MGAT1: variants seen among roughly 807,000 people sequenced by gnomAD.
The protein encoded by MGAT1 is N-glycosyl-oligosaccharide-glycoprotein N-acetylglucosaminyltransferase I.
MGAT1 carries 14 observed loss-of-function variants against 31.7 expected under a neutral mutation model. That is an observed-to-expected ratio of 0.44 (90% CI 0.29 to 0.69). The LOEUF is 0.69. MGAT1 is among the 30% of genes least tolerant of loss of function. The probability of loss-of-function intolerance (pLI) is 0.12; values close to 1 mark genes in which losing one functional copy is unlikely to be tolerated. For missense variants in MGAT1, 557 were observed against 626.0 expected (o/e 0.89, Z 1.18); for synonymous variants, 338 against 276.0 (o/e 1.22, Z -2.23).
chr5:180,809,323 T>C (rs552107168), intron 1 of MGAT1: 3 of 152,308 alleles, frequency 2.0e-5, no homozygotes, highest in African/African-American at 7.2e-5. Flanking sequence ...ATTATATGTA[T>C]GTACAAACAT....
At position 180,796,033 on chromosome 5, in the gene MGAT1, G is replaced by A. The variant is rs184424670; in HGVS notation, c.-126-2936C>T. Among the ~76,000 whole-genome samples the A allele has an allele frequency of 2.3e-4, 27 of 118,056 alleles. No homozygotes were observed. In the East Asian group the frequency reaches 8.3e-3, roughly 36 times the overall value. 77.4% of individuals were successfully genotyped at this position (118,056 alleles called of 152,430 possible). The stretch of plus-strand genomic sequence containing the variant: ...ATAACTCCTTGACTGTCCTGCCTCT[G>A]GTCTACCCTTTACACCCCAAAGCTT... On this transcript the variant is annotated intron_variant, in intron 1 of 1. Coordinates refer to ENST00000307826, the MANE Select transcript of MGAT1 (RefSeq NM_002406.4).
rs1341734810 is a variant in MGAT1 at position 180,791,472 on chromosome 5, A to G, written c.*162T>C. 1 of 840,338 alleles carries G rather than the reference A, an allele frequency of 1.2e-6. No individual in the cohort carries two copies. Among genetic ancestry groups the G allele is most frequent in the East Asian group, 2.6e-5 (1 of 38,336 alleles). The allele number at this position is 840,338 out of a possible 1,614,324, so 52.1% of individuals were successfully genotyped here. ...CTGACTCCCTTGAGAACGGGAGAAT[A>G]ATCCTCTTGTTATCATTTGTGCACT... On this transcript the variant is annotated 3_prime_UTR_variant, in exon 2 of 2. Coordinates refer to ENST00000307826, the MANE Select transcript of MGAT1 (RefSeq NM_002406.4).
intron 1 of MGAT1, 40 bp from the exon 2 acceptor site, chr5:180,793,137 C>CTCGT (rs750626673): frequency 1.3e-5 from 11 of 821,140 alleles, no homozygotes; most frequent in Non-Finnish European, 2.0e-5. Flanking sequence ...CACACAAAGG[C>CTCGT]TCGTGGCTCC....
At chr5:180,798,170 G>A (rs1399320900) in intron 1 of MGAT1, among the ~76,000 whole-genome samples, 1 of 152,216 alleles carries the variant, frequency 6.6e-6, no homozygotes, top group Non-Finnish European at 1.5e-5. Context: ...AAGATCGGAT[G>A]AGATGAGCCA....
In MGAT1 at chr5:180,792,573, C is replaced by T; in HGVS notation, c.399G>A (p.Glu133=). ...CCTGGCTAACGATGATGGGGAAGAG[C>T]TCAGCCGAGGGCCGATAATGCAGCA... The part of the protein sequence containing the change: ...DKLLHYRPSA[E]LFPIIVSQDC... The change falls in exon 2 of 2, where the codon GAG becomes GAA. Residue 133 remains glutamate (E), a synonymous_variant. Coordinates refer to ENST00000307826, the MANE Select transcript of MGAT1 (RefSeq NM_002406.4). 1 of 1,612,388 alleles carries T rather than the reference C, an allele frequency of 6.2e-7. No homozygotes were observed. Among genetic ancestry groups the T allele is most frequent in the Non-Finnish European group, 8.5e-7 (1 of 1,179,634 alleles).
Position 180,791,384 on chromosome 5 carries a change from C to A in MGAT1, c.*250G>T. ...TTCTGGCCCCAACAAGCCCAGTGCCCCCCACCACACAGTGGTTTCCTGCTT... is the reference window on the plus strand; with the variant it reads ...TTCTGGCCCCAACAAGCCCAGTGCCACCCACCACACAGTGGTTTCCTGCTT... On this transcript the variant is annotated 3_prime_UTR_variant, in exon 2 of 2. Coordinates refer to ENST00000307826, the MANE Select transcript of MGAT1 (RefSeq NM_002406.4). The A allele has an allele frequency of 1.8e-6, 1 of 570,268 alleles. No homozygotes were observed. Among genetic ancestry groups the A allele is most frequent in the Admixed American group, 3.2e-5 (1 of 30,976 alleles). The allele number at this position is 570,268 out of a possible 1,614,324, so 35.3% of individuals were successfully genotyped here. A position where few individuals can be genotyped will look rare whatever the true frequency, so the allele number is the denominator to read the frequency against.
In MGAT1 at chr5:180,796,646, C is replaced by T. The variant is rs556222874; in HGVS notation, c.-126-3549G>A. On this transcript the variant is annotated intron_variant, in intron 1 of 1. Transcript: ENST00000307826. Reference sequence around the variant, plus strand: ...TTTTTGAGACAGAGTCTCACTCTGTCTGTTGCCCAGGCTGGAGTACAGTGG... The same window carrying T: ...TTTTTGAGACAGAGTCTCACTCTGTTTGTTGCCCAGGCTGGAGTACAGTGG... 7.9e-5 allele frequency among the ~76,000 whole-genome samples: 12 copies of T among 152,140 alleles called. No homozygotes were observed. The East Asian group carries it at 1.4e-3, about 17-fold the overall frequency.
At chr5:180,799,596 G>A (rs1170448551) in intron 1 of MGAT1, among the ~76,000 whole-genome samples, 1 of 152,228 alleles carries the variant, frequency 6.6e-6, no homozygotes, top group Non-Finnish European at 1.5e-5. Flanking sequence ...CATGTATGAG[G>A]TTCAAGTGGC....
At chr5:180,812,560 A>G (rs1367228690) in intron 1 of MGAT1, among the ~76,000 whole-genome samples, 1 of 152,090 alleles carries the variant, frequency 6.6e-6, no homozygotes, top group Admixed American at 6.6e-5. Flanking sequence ...ACACACGCAC[A>G]CACACACAGG....
chr5:180,799,104 G>C (rs922959002), intron 1 of MGAT1, among the ~76,000 whole-genome samples: 4 of 152,120 alleles, frequency 2.6e-5, no homozygotes, highest in Non-Finnish European at 5.9e-5. Flanking sequence ...CATCCTTCCT[G>C]ACAAGTACAC....
intron 1 of MGAT1, chr5:180,811,448 CCTT>C (rs775341604): frequency 6.6e-6 from 1 of 152,212 alleles, no homozygotes; most frequent in Admixed American, 6.5e-5. Flanking sequence ...CACCTTCAAA[CCTT>C]CTCCGCCCAC....
chr5:180,795,137 T>C (rs904577270), intron 1 of MGAT1, among the ~76,000 whole-genome samples: 4 of 152,040 alleles, frequency 2.6e-5, no homozygotes, highest in Non-Finnish European at 5.9e-5. Flanking sequence ...GAAACTAATC[T>C]ATATTACAGA....
At chr5:180,803,568 G>GGGGA (rs1480947587), upstream of MGAT1, 1 of 152,418 alleles carries the variant, frequency 6.6e-6, no homozygotes, top group African/African-American at 2.4e-5. Context: ...GGCCCACCGA[G>GGGGA]GGGAGGGAGG....
intron 1 of MGAT1, among the ~76,000 whole-genome samples, chr5:180,797,889 C>T (rs1015117149): frequency 9.4e-5 from 11 of 117,530 alleles, no homozygotes; most frequent in African/African-American, 2.2e-4. Flanking sequence ...TGTTTATCCA[C>T]GTAGTTCCTG....
At position 180,792,216 on chromosome 5, in the gene MGAT1, G is replaced by C. The variant is rs1768296209; in HGVS notation, c.756C>G (p.Ala252=). Residue 252 remains alanine (A), a synonymous_variant, in exon 2 of 2, where the codon GCC becomes GCG. Transcript: ENST00000307826. ...NDNGKEQMVD[A]SRPELLYRTD... ...TGCGGTAGAGCAGCTCAGGCCTGCTGGCGTCCACCATCTGCTCCTTGCCGT... is the reference window on the plus strand; with the variant it reads ...TGCGGTAGAGCAGCTCAGGCCTGCTCGCGTCCACCATCTGCTCCTTGCCGT... The C allele has an allele frequency of 6.2e-7, 1 of 1,612,992 alleles. No homozygotes were observed. Among genetic ancestry groups the C allele is most frequent in the Non-Finnish European group, 8.5e-7 (1 of 1,180,018 alleles).
upstream of MGAT1, among the ~76,000 whole-genome samples, chr5:180,804,477 T>C (rs887970491): frequency 2.0e-5 from 3 of 152,116 alleles, no homozygotes; most frequent in Non-Finnish European, 1.5e-5. Flanking sequence ...CAGTGTGCGA[T>C]GTGCGGGAAG....
chr5:180,793,456 CA>C (rs1768671572), intron 1 of MGAT1, among the ~76,000 whole-genome samples: 1 of 152,130 alleles, frequency 6.6e-6, no homozygotes, highest in East Asian at 1.9e-4. Context: ...TTTTTAAAAT[CA>C]AATGTCCCAC....
At chr5:180,794,312 C>A (rs1180632279) in intron 1 of MGAT1, among the ~76,000 whole-genome samples, 1 of 150,928 alleles carries the variant, frequency 6.6e-6, no homozygotes, top group African/African-American at 2.4e-5. Context: ...TCACCTGAGT[C>A]TGGGAGGCTG....
chr5:180,802,934 G>A (rs1383710504), upstream of MGAT1: 2 of 144,058 alleles, frequency 1.4e-5, no homozygotes, highest in African/African-American at 2.5e-5. Flanking sequence ...GCGTCCGCCA[G>A]GCCCCCTCCT....
Sources: allele counts gnomAD v4.1 joint callset (sites outside exome capture counted in the v4.1 genomes callset), GRCh38; gene constraint gnomAD v4.1.1; transcripts MANE v1.5; gene names NCBI Gene and HGNC (gene_info 2026-07-23, HGNC 2026-07-21).